Variants in MND1 observed in about 807,000 individuals in gnomAD.
MND1 encodes meiotic nuclear divisions 1, also known as meiotic nuclear division protein 1 homolog.
In MND1, 28 loss-of-function variants were observed where a neutral mutation model predicts 35.1. That is an observed-to-expected ratio of 0.80 (90% CI 0.59 to 1.09). MND1 has a LOEUF of 1.09. Ranked by LOEUF, MND1 falls within the 50% of genes least tolerant of loss-of-function variation. The probability of loss-of-function intolerance (pLI) is 0.00; values close to 1 mark genes in which losing one functional copy is unlikely to be tolerated. For missense variants in MND1, 213 were observed against 239.6 expected, an observed-to-expected ratio of 0.89 and a Z score of 0.73; for synonymous variants, 69 against 70.5, an observed-to-expected ratio of 0.98 and a Z score of 0.11.
intron 1 of MND1, 21 bp downstream of exon 1, chr4:153,344,761 C>T (rs920974905): frequency 9.4e-6 from 15 of 1,600,436 alleles, no homozygotes; most frequent in Non-Finnish European, 1.3e-5. Flanking sequence ...AGGCTACGGT[C>T]CCGCGTCTTC....
chr4:153,410,969 C>T (rs945470545), intron 7 of MND1, among the ~76,000 whole-genome samples: 5 of 152,034 alleles, frequency 3.3e-5, no homozygotes, highest in Non-Finnish European at 7.4e-5. Context: ...CCAGCCTGAG[C>T]AAGAGTGAGA....
intron 4 of MND1, among the ~76,000 whole-genome samples, chr4:153,380,927 T>A (rs1275615599): frequency 6.6e-6 from 1 of 151,922 alleles, no homozygotes; most frequent in Non-Finnish European, 1.5e-5. Context: ...TAAGGCAGAC[T>A]GTCGCTCTGT....
chr4:153,411,337 G>GA (rs1393031163), intron 7 of MND1, among the ~76,000 whole-genome samples: 2 of 152,076 alleles, frequency 1.3e-5, no homozygotes, highest in African/African-American at 4.8e-5. Flanking sequence ...AAATCAAACA[G>GA]AAATTCTGCC....
intron 6 of MND1, among the ~76,000 whole-genome samples, chr4:153,408,297 T>TA (rs1321740042): frequency 6.6e-6 from 1 of 152,074 alleles, no homozygotes; most frequent in East Asian, 1.9e-4. Flanking sequence ...AAATAAAAAT[T>TA]ACTGAATTAT....
intron 4 of MND1, among the ~76,000 whole-genome samples, chr4:153,383,354 A>G (rs1329465467): frequency 6.6e-6 from 1 of 152,208 alleles, no homozygotes; most frequent in Non-Finnish European, 1.5e-5. Flanking sequence ...GAAAAATAGA[A>G]TGTGTTTTCT....
At position 153,350,206 on chromosome 4, in the gene MND1, CCT is replaced by C. The variant is rs1365797086; in HGVS notation, c.69+80_69+81del. 6 of 1,029,738 alleles carry C rather than the reference CCT, an allele frequency of 5.8e-6. No homozygotes were observed. The African/African-American group carries it at 8.0e-5, about 14-fold the overall frequency. 63.8% of individuals were successfully genotyped at this position (1,029,738 alleles called of 1,614,324 possible). ...ATATGTCATCCAATGTTAACTGTCC[CCT>C]CTTTGTTAAACATCAATACTGATCA... On this transcript the variant is annotated intron_variant, in intron 2 of 7. Coordinates refer to ENST00000240488, the MANE Select transcript of MND1 (RefSeq NM_032117.4).
At chr4:153,345,485 G>A (rs1010536211) in intron 1 of MND1, 19 of 985,386 alleles carry the variant, frequency 1.9e-5, no homozygotes, top group Non-Finnish European at 2.3e-5. Context: ...CTTCCTCGTG[G>A]GTCATGATCA....
In MND1 at chr4:153,397,228, A is replaced by C. The variant is rs754949969; in HGVS notation, c.361A>C (p.Thr121Pro). 6.2e-7 allele frequency: 1 copy of C among 1,611,738 alleles called. No homozygotes were observed. The highest frequency in any genetic ancestry group is 8.5e-7 in the Non-Finnish European group (1 of 1,178,922). Residue 121 changes from threonine (T) to proline (P), a missense_variant, in exon 6 of 8, where the codon ACC (threonine) becomes CCC (proline). Physicochemically the swap from Thr to Pro is conservative, Grantham distance 38 (BLOSUM62 -1). Transcript: ENST00000240488. ...ACTATCTGGAATGCAGGAAGAGCGA[A>C]CCAGGCTAGCAAAAGAGCTTTCTTC... ...KIGRCETEERTRLAKELSSLR... is the reference protein window; with the variant it reads ...KIGRCETEERPRLAKELSSLR...
intron 6 of MND1, among the ~76,000 whole-genome samples, chr4:153,404,589 G>A (rs1416674299): frequency 3.3e-5 from 5 of 150,940 alleles, no homozygotes; most frequent in African/African-American, 7.3e-5. Context: ...ATTCTCCTGC[G>A]TCAGCCTCCT....
At chr4:153,360,623 T>A (rs886247379) in intron 4 of MND1, among the ~76,000 whole-genome samples, 7 of 147,314 alleles carry the variant, frequency 4.8e-5, no homozygotes, top group Non-Finnish European at 7.5e-5. Flanking sequence ...TATATACACA[T>A]AAAAATACAC....
intron 1 of MND1, among the ~76,000 whole-genome samples, chr4:153,346,269 A>C (rs1371570703): frequency 3.9e-5 from 6 of 152,192 alleles, no homozygotes; most frequent in Non-Finnish European, 5.9e-5. Flanking sequence ...CTACTTAATA[A>C]TTCTTCATAA....
At chr4:153,407,585 A>G (rs1415621117) in intron 6 of MND1, among the ~76,000 whole-genome samples, 2 of 152,192 alleles carry the variant, frequency 1.3e-5, no homozygotes, top group Non-Finnish European at 2.9e-5. Flanking sequence ...CAAAATATAT[A>G]CCCAAGATAA....
intron 1 of MND1, among the ~76,000 whole-genome samples, chr4:153,349,517 A>T (rs1240925733): frequency 2.0e-5 from 3 of 152,156 alleles, no homozygotes; most frequent in Non-Finnish European, 2.9e-5. Context: ...TACATACTTC[A>T]TACAATAACT....
chr4:153,393,919 G>GTTTTATTTTT (rs1360869360), intron 4 of MND1, among the ~76,000 whole-genome samples: 3 of 55,562 alleles, frequency 5.4e-5, no homozygotes, highest in Non-Finnish European at 7.2e-5. Context: ...GTTTGACTTT[G>GTTTTATTTTT]TTTTCTTTTT....
At chr4:153,395,040 GA>G (rs1579944758) in intron 5 of MND1, among the ~76,000 whole-genome samples, 1 of 152,128 alleles carries the variant, frequency 6.6e-6, no homozygotes, top group Non-Finnish European at 1.5e-5. Context: ...AAAGCAACTG[GA>G]AAACTTGTCA....
Position 153,375,731 on chromosome 4 carries a change from A to G in MND1, c.276+17109A>G, listed in dbSNP as rs551332579. The stretch of plus-strand genomic sequence containing the variant: ...TAATTGCTTAAAACAATTAGATTAT[A>G]TGTAAGCTTAGAAAATAGCTGTTAT... On this transcript the variant is annotated intron_variant, in intron 4 of 7. Coordinates refer to ENST00000240488, the MANE Select transcript of MND1 (RefSeq NM_032117.4). 4.6e-5 allele frequency among the ~76,000 whole-genome samples: 7 copies of G among 152,276 alleles called. No individual in the cohort carries two copies. The East Asian group carries it at 1.4e-3, about 29-fold the overall frequency.
At chr4:153,390,163 A>G (rs1310757032) in intron 4 of MND1, among the ~76,000 whole-genome samples, 1 of 152,140 alleles carries the variant, frequency 6.6e-6, no homozygotes, top group East Asian at 1.9e-4. Context: ...GTTAGGAACT[A>G]TGGCAGTAGT....
intron 1 of MND1, among the ~76,000 whole-genome samples, chr4:153,349,684 A>G (rs1004073832): frequency 6.6e-6 from 1 of 152,132 alleles, no homozygotes; most frequent in African/African-American, 2.4e-5. Context: ...GCATAGTGGA[A>G]TTCATTGTGT....
At chr4:153,348,038 G>A (rs924487297) in intron 1 of MND1, among the ~76,000 whole-genome samples, 2 of 152,154 alleles carry the variant, frequency 1.3e-5, no homozygotes, top group African/African-American at 2.4e-5. Context: ...TTCCCAGTGC[G>A]GAATGTGAAC....
Sources: gnomAD v4.1 joint callset for allele counts (sites outside exome capture counted in the v4.1 genomes callset) on GRCh38, gnomAD v4.1.1 for gene constraint, MANE v1.5 for transcripts, NCBI Gene and HGNC (gene_info 2026-07-23, HGNC 2026-07-21) for gene names.